The following EPC1 variants were observed in gnomAD, a reference collection of about 807,000 sequenced individuals.
EPC1 encodes enhancer of polycomb 1.
In EPC1, 12 loss-of-function variants were observed where a neutral mutation model predicts 98.4. The ratio of observed to expected loss-of-function variants is 0.12; its 90% CI spans 0.08 to 0.20. The LOEUF (loss-of-function observed/expected upper bound fraction) is 0.20. Ranked by LOEUF, EPC1 falls within the 10% of genes least tolerant of loss-of-function variation. The pLI is 1.00. For missense variants in EPC1, 729 were observed against 990.5 expected, an observed-to-expected ratio of 0.74 and a Z score of 3.54; for synonymous variants, 357 against 363.9, an observed-to-expected ratio of 0.98 and a Z score of 0.21.
chr10:32,363,310 T>C (rs1470872059), intron 1 of EPC1, among the ~76,000 whole-genome samples: 1 of 152,170 alleles, frequency 6.6e-6, no homozygotes, highest in African/African-American at 2.4e-5. Context: ...CGAACTCCCG[T>C]GCTCAAAGGA....
chr10:32,271,590 T>C lies in EPC1; in HGVS notation c.2333A>G (p.Lys778Arg). 1 of 1,614,194 alleles carries C rather than the reference T, an allele frequency of 6.2e-7. No homozygotes were observed. Among genetic ancestry groups the C allele is most frequent in the African/African-American group, 1.3e-5 (1 of 75,044 alleles). ...ATCTACAGAGGATGAAGATGGGACC[T>C]TGGAAACTTGACAGTTTGCTGCAGC... ...LAAAANCQVSKVPSSSSVDSV... is the reference protein window; with the variant it reads ...LAAAANCQVSRVPSSSSVDSV... Residue 778 changes from lysine (K) to arginine (R), a missense_variant, in exon 13 of 14, where the codon AAG (lysine) becomes AGG (arginine). By Grantham distance (26) the Lys-to-Arg change is conservative (BLOSUM62 2). Transcript: ENST00000319778.
At chr10:32,360,308 C>G (rs879584656) in intron 1 of EPC1, among the ~76,000 whole-genome samples, 16 of 152,188 alleles carry the variant, frequency 1.1e-4, no homozygotes, top group Non-Finnish European at 2.4e-4. Flanking sequence ...CTCTTTTCCT[C>G]ATTGCCAAGT....
chr10:32,349,499 G>A (rs949443395), upstream of EPC1, among the ~76,000 whole-genome samples: 4 of 152,122 alleles, frequency 2.6e-5, no homozygotes, highest in African/African-American at 7.2e-5. Context: ...TCAATGCTGT[G>A]GATTTCCAAC....
chr10:32,291,098 C>T, intron 6 of EPC1, 65 bp downstream of exon 6: 3 of 1,483,996 alleles, frequency 2.0e-6, no homozygotes, highest in Non-Finnish European at 2.8e-6. Flanking sequence ...TTCTTTTTAA[C>T]TTTCATTCTA....
intron 13 of EPC1, among the ~76,000 whole-genome samples, 180 bp downstream of exon 13, chr10:32,271,374 G>A (rs1173982019): frequency 6.6e-6 from 1 of 152,082 alleles, no homozygotes; most frequent in East Asian, 1.9e-4. Context: ...TCTTAATATT[G>A]AATTAAGTGT....
At chr10:32,370,850 C>A (rs1265666300) in intron 1 of EPC1, among the ~76,000 whole-genome samples, 3 of 152,156 alleles carry the variant, frequency 2.0e-5, no homozygotes, top group Non-Finnish European at 4.4e-5. Context: ...CAGCACAGTT[C>A]TGGAGTTTTA....
chr10:32,301,297 C>A (rs1564534486), intron 2 of EPC1, among the ~76,000 whole-genome samples: 1 of 152,168 alleles, frequency 6.6e-6, no homozygotes, highest in Non-Finnish European at 1.5e-5. Flanking sequence ...CTGAATACTT[C>A]AAGTGTCAAA....
chr10:32,335,345 C>T (rs960996065), intron 1 of EPC1, among the ~76,000 whole-genome samples: 1 of 152,148 alleles, frequency 6.6e-6, no homozygotes, highest in African/African-American at 2.4e-5. Context: ...AAGTCTTCCA[C>T]TCTGTTGTCT....
intron 1 of EPC1, among the ~76,000 whole-genome samples, chr10:32,365,197 T>C (rs1269804127): frequency 6.6e-6 from 1 of 152,212 alleles, no homozygotes; most frequent in Admixed American, 6.5e-5. Context: ...GAAGTAACTC[T>C]GCCTTAAGTG....
intron 9 of EPC1, 168 bp downstream of exon 9, chr10:32,286,526 G>A: frequency 1.3e-6 from 1 of 768,702 alleles, no homozygotes; most frequent in Non-Finnish European, 2.0e-6. Context: ...CTATGGATGT[G>A]TAAGAACCAG....
chr10:32,356,503 C>G (rs988889454), intron 1 of EPC1, among the ~76,000 whole-genome samples: 2 of 152,016 alleles, frequency 1.3e-5, no homozygotes, highest in Non-Finnish European at 2.9e-5. Context: ...GAGGGAGAGG[C>G]TGGGACAAGC....
chr10:32,291,429 T>C, intron 5 of EPC1, 107 bp from the exon 6 acceptor site: 1 of 850,254 alleles, frequency 1.2e-6, no homozygotes. Flanking sequence ...TCAAGCTAAT[T>C]AACATATCCA....
intron 1 of EPC1, among the ~76,000 whole-genome samples, chr10:32,329,166 G>A (rs1351885313): frequency 1.3e-5 from 2 of 152,186 alleles, no homozygotes; most frequent in Admixed American, 1.3e-4. Flanking sequence ...AATGAGCTGT[G>A]AGCAAAAGTG....
intron 1 of EPC1, among the ~76,000 whole-genome samples, chr10:32,362,355 G>C (rs1341272637): frequency 6.6e-6 from 1 of 152,020 alleles, no homozygotes; most frequent in Non-Finnish European, 1.5e-5. Context: ...TCAGGGGGTG[G>C]ATTTCTCATG....
At chr10:32,362,038 AAGG>A (rs1839457069) in intron 1 of EPC1, among the ~76,000 whole-genome samples, 1 of 152,184 alleles carries the variant, frequency 6.6e-6, no homozygotes, top group Admixed American at 6.5e-5. Context: ...GCTCTAAAAT[AAGG>A]AGATTTTTAG....
At chr10:32,366,289 T>C (rs1233147138) in intron 1 of EPC1, among the ~76,000 whole-genome samples, 1 of 152,186 alleles carries the variant, frequency 6.6e-6, no homozygotes, top group Admixed American at 6.5e-5. Flanking sequence ...AGGGGAAATA[T>C]AAAAGAAAAT....
intron 1 of EPC1, among the ~76,000 whole-genome samples, chr10:32,328,684 GCA>G (rs1837452359): frequency 6.6e-6 from 1 of 152,318 alleles, no homozygotes; most frequent in African/African-American, 2.4e-5. Context: ...GCTGAAACCA[GCA>G]CACTCTCCAT....
intron 10 of EPC1, among the ~76,000 whole-genome samples, chr10:32,277,074 C>T (rs1268549019): frequency 1.3e-5 from 2 of 152,006 alleles, no homozygotes; most frequent in East Asian, 1.9e-4. Context: ...AAAGAGAACC[C>T]CAAAGCAATG....
At chr10:32,365,582 G>T (rs185282235) in intron 1 of EPC1, among the ~76,000 whole-genome samples, 16 of 152,072 alleles carry the variant, frequency 1.1e-4, no homozygotes, top group Admixed American at 3.3e-4. Context: ...GGAGGCTGAG[G>T]CAGGTGAATC....
Sources: gnomAD v4.1 joint callset for allele counts (sites outside exome capture counted in the v4.1 genomes callset) on GRCh38, gnomAD v4.1.1 for gene constraint, MANE v1.5 for transcripts, NCBI Gene and HGNC (gene_info 2026-07-23, HGNC 2026-07-21) for gene names.